The following STK32B variants were observed in gnomAD, a reference collection of about 807,000 sequenced individuals.
STK32B encodes serine/threonine kinase 32B, also known as serine/threonine-protein kinase 32B.
In STK32B, 43 loss-of-function variants were observed where a neutral mutation model predicts 52.6. That is an observed-to-expected ratio of 0.82 (90% CI 0.64 to 1.05). The LOEUF is 1.05. Among genes scored for constraint, STK32B ranks in the 50% least tolerant of loss-of-function variants. STK32B has a pLI of 0.00. For missense variants in STK32B, 621 were observed against 534.6 expected, an observed-to-expected ratio of 1.16 and a Z score of -1.59; for synonymous variants, 238 against 204.3, an observed-to-expected ratio of 1.17 and a Z score of -1.41.
upstream of STK32B, among the ~76,000 whole-genome samples, chr4:5,050,013 CTAA>C (rs1381790396): frequency 1.3e-5 from 2 of 152,166 alleles, no homozygotes; most frequent in African/African-American, 4.8e-5. Flanking sequence ...AGTTAACTGG[CTAA>C]TGAGGGGCAA....
At chr4:5,331,126 C>A in intron 3 of STK32B, 94 bp from the exon 4 acceptor site, 1 of 1,259,992 alleles carries the variant, frequency 7.9e-7, no homozygotes, top group Non-Finnish European at 1.1e-6. Context: ...TCTCTCTGAG[C>A]CTCAGTTTGC....
intron 1 of STK32B, among the ~76,000 whole-genome samples, chr4:5,101,561 C>G (rs993717570): frequency 6.6e-6 from 1 of 152,016 alleles, no homozygotes; most frequent in African/African-American, 2.4e-5. Context: ...AGAAATTATT[C>G]CTTTATCATT....
At chr4:5,451,231 G>A (rs764951809) in intron 7 of STK32B, among the ~76,000 whole-genome samples, 49 of 152,312 alleles carry the variant, frequency 3.2e-4, no homozygotes, top group Admixed American at 5.2e-4. Context: ...TAGAGGAGCA[G>A]GGGAGAATTT....
In STK32B at chr4:5,460,209, T is replaced by C; in HGVS notation, c.890T>C (p.Met297Thr). ...NWDAVFKKAL[M>T]PGFVPNKGRL... ...GACGCGGTGTTCAAGAAGGCACTGA[T>C]GCCCGGCTTTGTGCCCAATGTGAGT... is the stretch of plus-strand genomic sequence containing the variant. Residue 297 changes from methionine to threonine, a missense_variant, in exon 9 of 12, where the codon ATG becomes ACG. Transcript: ENST00000282908. The surrounding 1 kb of genome is among the most constrained non-coding windows in gnomAD (Gnocchi z 4.8). The C allele has an allele frequency of 6.2e-7, 1 of 1,613,182 alleles. No homozygotes were observed. Among genetic ancestry groups the C allele is most frequent in the South Asian group, 1.1e-5 (1 of 90,938 alleles).
chr4:5,261,817 G>A (rs984153069), intron 3 of STK32B, among the ~76,000 whole-genome samples: 1 of 151,982 alleles, frequency 6.6e-6, no homozygotes, highest in African/African-American at 2.4e-5. Context: ...ATAAAATCAA[G>A]GCCCCGGTAC....
At chr4:5,154,703 C>T (rs1350140794) in intron 2 of STK32B, among the ~76,000 whole-genome samples, 2 of 152,160 alleles carry the variant, frequency 1.3e-5, no homozygotes, top group East Asian at 1.9e-4. Context: ...GGCATGGCTT[C>T]TGGGCTGCTG....
chr4:5,291,035 C>G (rs1158574143), intron 3 of STK32B, among the ~76,000 whole-genome samples: 1 of 152,092 alleles, frequency 6.6e-6, no homozygotes. Flanking sequence ...CAATTTTGTT[C>G]TACTGATCAA....
At chr4:5,131,906 C>T (rs1715800961) in intron 1 of STK32B, among the ~76,000 whole-genome samples, 1 of 152,192 alleles carries the variant, frequency 6.6e-6, no homozygotes, top group Non-Finnish European at 1.5e-5. Context: ...AATCTGTATA[C>T]ATTACATGGC....
At chr4:5,374,959 A>G (rs1306101496) in intron 4 of STK32B, among the ~76,000 whole-genome samples, 1 of 152,236 alleles carries the variant, frequency 6.6e-6, no homozygotes, top group Non-Finnish European at 1.5e-5. Flanking sequence ...GAGATACTAG[A>G]GTCCAATTGA....
At chr4:5,083,901 A>C (rs1264440382) in intron 1 of STK32B, among the ~76,000 whole-genome samples, 5 of 151,990 alleles carry the variant, frequency 3.3e-5, no homozygotes, top group Non-Finnish European at 7.4e-5. Context: ...ACATCTGGCT[A>C]ATTTTTGTAT....
intron 4 of STK32B, among the ~76,000 whole-genome samples, chr4:5,391,667 G>T (rs1476959517): frequency 1.3e-5 from 2 of 152,166 alleles, no homozygotes; most frequent in Non-Finnish European, 2.9e-5. Context: ...CAAGCCTACT[G>T]GCCAGATCAG....
At chr4:5,097,479 A>T (rs1262734792) in intron 1 of STK32B, among the ~76,000 whole-genome samples, 1 of 145,290 alleles carries the variant, frequency 6.9e-6, no homozygotes, top group East Asian at 1.9e-4. Flanking sequence ...AGAAAGAAAG[A>T]TCCCCTACTT....
chr4:5,397,558 A>G (rs10049999), intron 4 of STK32B, among the ~76,000 whole-genome samples: 1,855 of 152,372 alleles, frequency 0.012, 23 homozygotes, highest in South Asian at 0.057. Context: ...AAAAGAGGTC[A>G]GCAAACTTTC....
chr4:5,468,611 G>A (rs145257461), intron 11 of STK32B, among the ~76,000 whole-genome samples: 143 of 152,264 alleles, frequency 9.4e-4, no homozygotes, highest in African/African-American at 3.3e-3. Context: ...GGGTAAGGTC[G>A]GTGGGGGATG....
At chr4:5,428,355 C>G (rs1284308167) in intron 6 of STK32B, among the ~76,000 whole-genome samples, 1 of 151,992 alleles carries the variant, frequency 6.6e-6, no homozygotes, top group African/African-American at 2.4e-5. Flanking sequence ...TTGCAGTGAG[C>G]CGAGATAGCA....
chr4:5,057,404 G>C (rs1742047807), intron 1 of STK32B, among the ~76,000 whole-genome samples: 1 of 152,156 alleles, frequency 6.6e-6, no homozygotes, highest in Admixed American at 6.5e-5. Flanking sequence ...CCCAAAAAGA[G>C]ATAGGACATA....
chr4:5,284,082 A>C (rs1185361308), intron 3 of STK32B, among the ~76,000 whole-genome samples: 1 of 152,152 alleles, frequency 6.6e-6, no homozygotes, highest in East Asian at 1.9e-4. Context: ...TTTTGAAATC[A>C]AAATTGTAAA....
intron 3 of STK32B, among the ~76,000 whole-genome samples, chr4:5,236,034 G>C (rs977560491): frequency 1.3e-5 from 2 of 152,286 alleles, no homozygotes; most frequent in East Asian, 1.9e-4. Flanking sequence ...CAGCCAGGAG[G>C]GGGTGGGTGT....
chr4:5,249,499 C>G (rs1238488578), intron 3 of STK32B, among the ~76,000 whole-genome samples: 1 of 128,680 alleles, frequency 7.8e-6, no homozygotes, highest in Non-Finnish European at 1.6e-5. Flanking sequence ...TCCTTCCTTC[C>G]TTCCTCCCTC....
Sources: allele counts gnomAD v4.1 joint callset (sites outside exome capture counted in the v4.1 genomes callset), GRCh38; gene constraint gnomAD v4.1.1; non-coding constraint Gnocchi (gnomAD v3.1); transcripts MANE v1.5; gene names NCBI Gene and HGNC (gene_info 2026-07-23, HGNC 2026-07-21).